The following WWP1 variants were observed in gnomAD, a reference collection of about 807,000 sequenced individuals.
WWP1 encodes the protein WW domain containing E3 ubiquitin protein ligase 1.
WWP1 carries 49 observed loss-of-function variants against 130.6 expected under a neutral mutation model. The ratio of observed to expected loss-of-function variants is 0.38; its 90% CI spans 0.30 to 0.48. The LOEUF is 0.48. Among genes scored for constraint, WWP1 ranks in the 20% least tolerant of loss-of-function variants. The pLI, the probability that WWP1 is intolerant of heterozygous loss-of-function variation, is 0.99. For missense variants in WWP1, 809 were observed against 1,100.6 expected, an observed-to-expected ratio of 0.74 and a Z score of 3.75; for synonymous variants, 332 against 367.8, an observed-to-expected ratio of 0.90 and a Z score of 1.11.
chr8:86,347,495 G>C (rs1251350234), intron 1 of WWP1, among the ~76,000 whole-genome samples: 1 of 152,184 alleles, frequency 6.6e-6, no homozygotes, highest in Non-Finnish European at 1.5e-5. Flanking sequence ...TGAAGGATTT[G>C]AATTTACCTG....
chr8:86,389,251 C>T (rs1825470068), intron 5 of WWP1, among the ~76,000 whole-genome samples: 3 of 151,810 alleles, frequency 2.0e-5, no homozygotes, highest in Non-Finnish European at 4.4e-5. Context: ...GGAAGGTCAG[C>T]AGATAAACAT....
chr8:86,373,995 C>G (rs1488567597), intron 2 of WWP1, 35 bp from the exon 3 acceptor site: 3 of 1,486,332 alleles, frequency 2.0e-6, no homozygotes, highest in East Asian at 2.3e-5. Context: ...AAACTCTTAT[C>G]TAACACATGA....
intron 11 of WWP1, 55 bp downstream of exon 11, chr8:86,427,872 C>CT (rs766528425): frequency 0.041 from 48,242 of 1,186,626 alleles, 6 homozygotes; most frequent in Non-Finnish European, 0.044. Context: ...GTGTTTCTTT[C>CT]TTTTTTTTTT....
chr8:86,451,856 C>T (rs918691488), intron 20 of WWP1, among the ~76,000 whole-genome samples: 1 of 152,112 alleles, frequency 6.6e-6, no homozygotes, highest in Admixed American at 6.5e-5. Context: ...AGATTTTCTT[C>T]CTTATTTCCT....
chr8:86,440,685 T>G (rs1440101625), intron 17 of WWP1: 1 of 454,992 alleles, frequency 2.2e-6, no homozygotes, highest in South Asian at 1.6e-5. Flanking sequence ...TCTTTGAATA[T>G]TTTTTCTGTT....
At chr8:86,387,595 C>T (rs1272929111) in intron 5 of WWP1, among the ~76,000 whole-genome samples, 1 of 152,106 alleles carries the variant, frequency 6.6e-6, no homozygotes, top group Non-Finnish European at 1.5e-5. Flanking sequence ...TCACTGCAGC[C>T]TTTGCCTCCT....
In WWP1 at chr8:86,380,840, C is replaced by T; in HGVS notation, c.185C>T (p.Pro62Leu). Residue 62 changes from proline to leucine, a missense_variant, in exon 4 of 25, where the codon CCA (proline) becomes CTA (leucine). Physicochemically the swap from Pro to Leu is moderately conservative, Grantham distance 98. This residue lies in a region of WWP1 where 262 missense variants were observed against 346.0 expected (regional missense o/e 0.76). Transcript: ENST00000517970. ...KTAKSSSSSN[P>L]KWDEQLTVNV... ...GCAAAATCCAGTAGTTCTTCTAATC[C>T]AAAATGGGATGAACAGCTAACTGTG... The T allele has an allele frequency of 6.2e-7, 1 of 1,612,018 alleles. No individual in the cohort carries two copies. The highest frequency in any genetic ancestry group is 1.1e-5 in the South Asian group (1 of 90,716).
chr8:86,362,575 C>T (rs1823733641), intron 1 of WWP1, among the ~76,000 whole-genome samples: 1 of 151,938 alleles, frequency 6.6e-6, no homozygotes. Context: ...TTTTTTTCTC[C>T]CTTTTTCTTG....
At chr8:86,397,891 G>A (rs1035041447) in intron 5 of WWP1, among the ~76,000 whole-genome samples, 3 of 152,170 alleles carry the variant, frequency 2.0e-5, no homozygotes, top group African/African-American at 7.2e-5. Context: ...TGTCCCTTTA[G>A]TTTGAAGTCC....
At chr8:86,373,074 T>G (rs1202567895) in intron 2 of WWP1, among the ~76,000 whole-genome samples, 1 of 148,694 alleles carries the variant, frequency 6.7e-6, no homozygotes, top group East Asian at 1.9e-4. Context: ...TTAGTTTGTT[T>G]TTTTTTTTTT....
At chr8:86,372,738 G>A (rs1824398445) in intron 2 of WWP1, among the ~76,000 whole-genome samples, 1 of 152,086 alleles carries the variant, frequency 6.6e-6, no homozygotes, top group Non-Finnish European at 1.5e-5. Flanking sequence ...ATATGCATTG[G>A]TCTGTTTTAG....
intron 9 of WWP1, among the ~76,000 whole-genome samples, chr8:86,420,264 A>C (rs905967328): frequency 1.3e-5 from 2 of 152,214 alleles, no homozygotes; most frequent in African/African-American, 4.8e-5. Flanking sequence ...TAGAACAGCT[A>C]ATGAGCTTGA....
chr8:86,414,886 C>G (rs946012413), intron 9 of WWP1, among the ~76,000 whole-genome samples: 1 of 81,556 alleles, frequency 1.2e-5, no homozygotes, highest in East Asian at 2.8e-4. Flanking sequence ...GAATCCCCCC[C>G]CCATCCCCCC....
At chr8:86,362,081 TAC>T (rs1276656830) in intron 1 of WWP1, among the ~76,000 whole-genome samples, 6 of 139,062 alleles carry the variant, frequency 4.3e-5, no homozygotes, top group African/African-American at 1.4e-4. Flanking sequence ...TACACATATA[TAC>T]ACACATATAT....
intron 20 of WWP1, among the ~76,000 whole-genome samples, chr8:86,448,898 A>G (rs1361581451): frequency 2.6e-5 from 4 of 152,080 alleles, no homozygotes; most frequent in African/African-American, 9.7e-5. Flanking sequence ...TAGTGGCGTG[A>G]TCATAGCTTA....
chr8:86,353,554 G>A (rs1823070266), intron 1 of WWP1, among the ~76,000 whole-genome samples: 1 of 151,934 alleles, frequency 6.6e-6, no homozygotes, highest in African/African-American at 2.4e-5. Context: ...GTGCAGTGGT[G>A]CAGTCTCAGC....
intron 8 of WWP1, among the ~76,000 whole-genome samples, chr8:86,407,363 TCA>T (rs1362080515): frequency 1.3e-5 from 2 of 152,198 alleles, no homozygotes; most frequent in African/African-American, 2.4e-5. Context: ...CACATAGGTA[TCA>T]GAGTTTCTCA....
chr8:86,368,860 G>A (rs1331180946), intron 1 of WWP1, 79 bp from the exon 2 acceptor site: 1 of 152,064 alleles, frequency 6.6e-6, no homozygotes, highest in African/African-American at 2.4e-5. Context: ...ACTTTCTCTT[G>A]TGTGCCCCAG....
intron 18 of WWP1, 139 bp from the exon 19 acceptor site, chr8:86,448,009 T>G (rs1465426281): frequency 1.4e-5 from 10 of 695,176 alleles, no homozygotes; most frequent in Non-Finnish European, 2.0e-5. Flanking sequence ...ATATAATATT[T>G]TAGTTTTCAT....
Sources: gnomAD v4.1 joint callset for allele counts (sites outside exome capture counted in the v4.1 genomes callset) on GRCh38, gnomAD v4.1.1 for gene constraint, gnomAD v4.1.1 regional missense constraint, MANE v1.5 for transcripts, NCBI Gene and HGNC (gene_info 2026-07-23, HGNC 2026-07-21) for gene names.